Variants in GNA14 observed in about 807,000 individuals in gnomAD.
GNA14 encodes guanine nucleotide-binding protein subunit alpha-14.
GNA14 carries 50 observed loss-of-function variants against 42.0 expected under a neutral mutation model. The ratio of observed to expected loss-of-function variants is 1.19; its 90% CI spans 0.95 to 1.51. The LOEUF is 1.51. Among genes scored for constraint, GNA14 ranks in the 40% most tolerant of loss-of-function variants. The pLI, the probability that GNA14 is intolerant of heterozygous loss-of-function variation, is 0.00. For missense variants in GNA14, 473 were observed against 446.2 expected (o/e 1.06, Z -0.54); for synonymous variants, 173 against 163.1 (o/e 1.06, Z -0.46).
chr9:77,428,404 G>A (rs922063526), intron 5 of GNA14, among the ~76,000 whole-genome samples: 12 of 151,988 alleles, frequency 7.9e-5, no homozygotes, highest in African/African-American at 2.7e-4. Context: ...TAAAAACCTC[G>A]CCAAGAGATT....
intron 2 of GNA14, among the ~76,000 whole-genome samples, chr9:77,525,912 A>ATT (rs1837428620): frequency 2.5e-5 from 1 of 39,526 alleles, no homozygotes; most frequent in Non-Finnish European, 5.2e-5. Context: ...CTTTTTTTAA[A>ATT]AAAAAAAAAA....
At position 77,588,928 on chromosome 9, in the gene GNA14, A is replaced by G. The variant is rs1823346540; in HGVS notation, c.124+58742T>C. Reference sequence around the variant, plus strand: ...GCCACTGTCTAAAAGTGCCTGGGACACATTGGGGGTTCACATGCTAGCCAC... The same window carrying G: ...GCCACTGTCTAAAAGTGCCTGGGACGCATTGGGGGTTCACATGCTAGCCAC... On this transcript the variant is annotated intron_variant, in intron 1 of 6. Transcript: ENST00000341700. 2.6e-5 allele frequency among the ~76,000 whole-genome samples: 4 copies of G among 152,244 alleles called. No homozygotes were observed. In the South Asian group the frequency reaches 8.3e-4, roughly 31 times the overall value.
chr9:77,570,837 A>AT (rs1240133322), intron 1 of GNA14, among the ~76,000 whole-genome samples: 5 of 152,186 alleles, frequency 3.3e-5, no homozygotes, highest in African/African-American at 1.2e-4. Flanking sequence ...TCGATGTATC[A>AT]TTTTACATTC....
intron 2 of GNA14, among the ~76,000 whole-genome samples, chr9:77,493,026 A>T (rs11145438): frequency 0.31 from 15,500 of 49,654 alleles, 2,829 homozygotes; most frequent in East Asian, 0.67. Flanking sequence ...AAAAAAAAAA[A>T]ATATATATAT....
At position 77,427,825 on chromosome 9, in the gene GNA14, A is replaced by G. The variant is rs549160540; in HGVS notation, c.723+1082T>C. Among the ~76,000 whole-genome samples, 12 of 152,330 alleles carry G rather than the reference A, an allele frequency of 7.9e-5. No individual in the cohort carries two copies. In the South Asian group the frequency reaches 1.9e-3, roughly 24 times the overall value. ...GAGACGTGAAGGCAGATGCAATCCC[A>G]GACAGCCCCAGAACAGCTCCAAGCA... is the stretch of plus-strand genomic sequence containing the variant. On this transcript the variant is annotated intron_variant, in intron 5 of 6. Transcript: ENST00000341700.
chr9:77,535,725 T>A (rs78729402), intron 1 of GNA14, among the ~76,000 whole-genome samples: 12,789 of 152,130 alleles, frequency 0.084, 687 homozygotes, highest in Non-Finnish European at 0.1. Flanking sequence ...TTGACAGATT[T>A]GAAAATATAC....
At chr9:77,511,868 A>G (rs1403861300) in intron 2 of GNA14, among the ~76,000 whole-genome samples, 1 of 152,228 alleles carries the variant, frequency 6.6e-6, no homozygotes, top group African/African-American at 2.4e-5. Context: ...CCAGTCAACC[A>G]GAAGGCCTCT....
At chr9:77,443,302 T>A (rs1835765361) in intron 2 of GNA14, among the ~76,000 whole-genome samples, 1 of 152,172 alleles carries the variant, frequency 6.6e-6, no homozygotes, top group African/African-American at 2.4e-5. Context: ...TCTAGAATAT[T>A]TAATTACTAA....
At chr9:77,528,421 A>G (rs1325786413) in intron 2 of GNA14, among the ~76,000 whole-genome samples, 1 of 152,066 alleles carries the variant, frequency 6.6e-6, no homozygotes, top group Admixed American at 6.6e-5. Context: ...TACCATATAA[A>G]ATTTTACTTC....
rs566995860 is a variant in GNA14 at position 77,423,745 on chromosome 9, C to G, written c.*234G>C. 1 of 294,124 alleles carries G rather than the reference C, an allele frequency of 3.4e-6. No individual in the cohort carries two copies. The highest frequency in any genetic ancestry group is 2.2e-5 in the African/African-American group (1 of 46,278). The allele number at this position is 294,124 out of a possible 1,614,324, so 18.2% of individuals were successfully genotyped here. Reference sequence around the variant, plus strand: ...TCAAAAATTACACAAAATCTTATAGCCAAAAGTCAAGAAAATAATTATAAA... The same window carrying G: ...TCAAAAATTACACAAAATCTTATAGGCAAAAGTCAAGAAAATAATTATAAA... On this transcript the variant is annotated 3_prime_UTR_variant, in exon 7 of 7. Coordinates refer to ENST00000341700, the MANE Select transcript of GNA14 (RefSeq NM_004297.4).
rs1835443478 is a variant in GNA14, at chr9:77,425,692, G to A, written c.747C>T (p.Ala249=). 3.1e-6 allele frequency: 5 copies of A among 1,609,496 alleles called. No individual in the cohort carries two copies. The East Asian group carries it at 8.9e-5, about 29-fold the overall frequency. Residue 249 remains alanine (A), a synonymous_variant, in exon 6 of 7, where the codon GCC becomes GCT. Transcript: ENST00000341700. The part of the protein sequence containing the change: ...DNENRMEESK[A]LFKTIITYPW... ...GGTAGGTGATGATGGTTTTAAATAA[G>A]GCTTTGCTCTCTTCCATGCGATTCT...
intron 2 of GNA14, among the ~76,000 whole-genome samples, chr9:77,501,265 T>C (rs910608783): frequency 2.6e-5 from 4 of 152,112 alleles, no homozygotes; most frequent in African/African-American, 4.8e-5. Flanking sequence ...GCACTCTTAA[T>C]ATAAGAAACT....
At chr9:77,627,763 A>G (rs951637848) in intron 1 of GNA14, among the ~76,000 whole-genome samples, 4 of 152,220 alleles carry the variant, frequency 2.6e-5, no homozygotes, top group Admixed American at 2.6e-4. Flanking sequence ...AGAGCTATTT[A>G]TGACAAACCC....
intron 2 of GNA14, among the ~76,000 whole-genome samples, chr9:77,460,664 G>A (rs561840858): frequency 3.3e-5 from 5 of 152,260 alleles, no homozygotes; most frequent in South Asian, 4.1e-4. Flanking sequence ...CTGTGGGGAC[G>A]AGTACGCAGG....
chr9:77,593,916 G>C (rs571697600), intron 1 of GNA14, among the ~76,000 whole-genome samples: 1 of 152,194 alleles, frequency 6.6e-6, no homozygotes, highest in Non-Finnish European at 1.5e-5. Flanking sequence ...GTGAGCACAC[G>C]AGAGTCTGAT....
chr9:77,441,231 A>G (rs1452537959), intron 2 of GNA14, among the ~76,000 whole-genome samples: 2 of 152,084 alleles, frequency 1.3e-5, no homozygotes, highest in East Asian at 3.9e-4. Flanking sequence ...GTGGGAGGTG[A>G]TTGGATGATG....
chr9:77,427,790 T>A (rs529222569), intron 5 of GNA14, among the ~76,000 whole-genome samples: 1 of 151,720 alleles, frequency 6.6e-6, no homozygotes, highest in South Asian at 2.1e-4. Context: ...CCTGAGGGAG[T>A]CCCTCCCAGG....
chr9:77,473,653 T>C (rs992545678), intron 2 of GNA14, among the ~76,000 whole-genome samples: 1 of 151,088 alleles, frequency 6.6e-6, no homozygotes, highest in African/African-American at 2.4e-5. Flanking sequence ...CAAGCTAATG[T>C]TAAAATCCAT....
At chr9:77,597,653 G>T (rs912076590) in intron 1 of GNA14, among the ~76,000 whole-genome samples, 2 of 151,214 alleles carry the variant, frequency 1.3e-5, no homozygotes, top group Non-Finnish European at 3.0e-5. Context: ...AAAAAAAGTG[G>T]CAAAACCCGC....
Sources: gnomAD v4.1 joint callset for allele counts (sites outside exome capture counted in the v4.1 genomes callset) on GRCh38, gnomAD v4.1.1 for gene constraint, MANE v1.5 for transcripts, NCBI Gene and HGNC (gene_info 2026-07-23, HGNC 2026-07-21) for gene names.